Variants in GRIN2B observed in about 807,000 individuals in gnomAD.
The protein encoded by GRIN2B is glutamate ionotropic receptor NMDA type subunit 2B, also known as glutamate receptor ionotropic, NMDA 2B.
In GRIN2B, 5 loss-of-function variants were observed where a neutral mutation model predicts 114.5. That is an observed-to-expected ratio of 0.04 (90% CI 0.02 to 0.09). The LOEUF (loss-of-function observed/expected upper bound fraction) is 0.09, where lower values mean the gene tolerates loss of function less well. Among genes scored for constraint, GRIN2B ranks in the 10% least tolerant of loss-of-function variants. The pLI, the probability that GRIN2B is intolerant of heterozygous loss-of-function variation, is 1.00. For synonymous variants in GRIN2B, 787 were observed against 745.1 expected (o/e 1.06, Z -0.92); for missense variants, 1,108 against 1,943.5 (o/e 0.57, Z 8.08).
intron 3 of GRIN2B, among the ~76,000 whole-genome samples, chr12:13,850,704 A>T (rs1281253596): frequency 6.6e-6 from 1 of 152,196 alleles, no homozygotes; most frequent in African/African-American, 2.4e-5. Flanking sequence ...CCCCTGTTGC[A>T]ATAGCTGGGA....
intron 13 of GRIN2B, among the ~76,000 whole-genome samples, chr12:13,566,698 C>A (rs1409356735): frequency 6.6e-6 from 1 of 152,192 alleles, no homozygotes; most frequent in African/African-American, 2.4e-5. Flanking sequence ...ACAGTTAATA[C>A]AATTTATACA....
chr12:13,893,007 G>A (rs1459172370), intron 2 of GRIN2B, among the ~76,000 whole-genome samples: 1 of 152,170 alleles, frequency 6.6e-6, no homozygotes, highest in Non-Finnish European at 1.5e-5. Flanking sequence ...ATGATGACCT[G>A]ACCAAAACCA....
At chr12:13,735,114 T>C (rs1479151720) in intron 4 of GRIN2B, among the ~76,000 whole-genome samples, 1 of 152,196 alleles carries the variant, frequency 6.6e-6, no homozygotes, top group African/African-American at 2.4e-5. Flanking sequence ...AAATAAGTCA[T>C]CAGAGATTTG....
At chr12:13,676,113 CTCACT>C (rs1381059094) in intron 4 of GRIN2B, among the ~76,000 whole-genome samples, 2 of 152,066 alleles carry the variant, frequency 1.3e-5, no homozygotes, top group Non-Finnish European at 1.5e-5. Flanking sequence ...ACCGCATGTT[CTCACT>C]TACAAGTGGG....
At chr12:13,876,706 T>G (rs990697934) in intron 2 of GRIN2B, among the ~76,000 whole-genome samples, 1 of 152,072 alleles carries the variant, frequency 6.6e-6, no homozygotes, top group African/African-American at 2.4e-5. Context: ...TCACAAAGAG[T>G]ACTGGAAAGG....
chr12:13,584,682 G>A (rs944163485), intron 10 of GRIN2B, among the ~76,000 whole-genome samples: 4 of 152,188 alleles, frequency 2.6e-5, no homozygotes, highest in South Asian at 4.2e-4. Context: ...CTGAAATCCC[G>A]CAAGAGCCTG....
intron 2 of GRIN2B, among the ~76,000 whole-genome samples, chr12:13,940,320 C>T (rs1867217746): frequency 6.6e-6 from 1 of 152,098 alleles, no homozygotes. Context: ...TATGGAAAAG[C>T]AGAATAAGGA....
intron 2 of GRIN2B, among the ~76,000 whole-genome samples, chr12:13,901,824 T>C (rs1319792108): frequency 6.6e-6 from 1 of 152,164 alleles, no homozygotes; most frequent in Non-Finnish European, 1.5e-5. Context: ...TTCAAGTTCA[T>C]GAGATATTCC....
chr12:13,702,080 T>A (rs970016654), intron 4 of GRIN2B, among the ~76,000 whole-genome samples: 4 of 152,184 alleles, frequency 2.6e-5, no homozygotes, highest in African/African-American at 7.2e-5. Context: ...TTAATTAAGA[T>A]TTGTATAAGT....
intron 3 of GRIN2B, among the ~76,000 whole-genome samples, chr12:13,839,768 C>T (rs868518151): frequency 2.9e-4 from 44 of 152,062 alleles, no homozygotes; most frequent in Non-Finnish European, 5.6e-4. Context: ...CCCAAAGAAC[C>T]GAGAACAATG....
intron 13 of GRIN2B, among the ~76,000 whole-genome samples, chr12:13,565,265 C>G (rs1485293239): frequency 6.6e-6 from 1 of 152,152 alleles, no homozygotes; most frequent in Non-Finnish European, 1.5e-5. Context: ...TTAGCAAGCC[C>G]TGGGGTCAAA....
chr12:13,681,860 CTGT>C (rs1428960687), intron 4 of GRIN2B, among the ~76,000 whole-genome samples: 1 of 152,076 alleles, frequency 6.6e-6, no homozygotes, highest in Non-Finnish European at 1.5e-5. Context: ...TTATTAGCTG[CTGT>C]TATTACTCTC....
At chr12:13,726,820 C>T (rs923881528) in intron 4 of GRIN2B, among the ~76,000 whole-genome samples, 9 of 151,862 alleles carry the variant, frequency 5.9e-5, no homozygotes, top group Non-Finnish European at 1.0e-4. Flanking sequence ...CACCCGCCTC[C>T]GACCCTTTCC....
At chr12:13,581,357 C>T (rs1948846362) in intron 10 of GRIN2B, among the ~76,000 whole-genome samples, 1 of 152,196 alleles carries the variant, frequency 6.6e-6, no homozygotes, top group Non-Finnish European at 1.5e-5. Flanking sequence ...TAATAATACC[C>T]TATGGCCCAA....
rs983203277 is a variant in GRIN2B, at chr12:13,934,724, A to G, written c.-19+45204T>C. The stretch of plus-strand genomic sequence containing the variant: ...AGCCAAGACCCCAATCCACATGCTG[A>G]GTCCTGACGCCTGGCTTCCACTTGC... On this transcript the variant is annotated intron_variant, in intron 2 of 13. Coordinates refer to ENST00000609686, the MANE Select transcript of GRIN2B (RefSeq NM_000834.5). Among the ~76,000 whole-genome samples the G allele has an allele frequency of 3.5e-5, 5 of 144,162 alleles. 1 individual carries two copies. Among genetic ancestry groups the G allele is most frequent in the African/African-American group, 1.5e-4 (5 of 33,840 alleles). 94.6% of individuals were successfully genotyped at this position (144,162 alleles called of 152,430 possible).
intron 2 of GRIN2B, among the ~76,000 whole-genome samples, chr12:13,884,547 A>G (rs754863769): frequency 9.2e-5 from 14 of 152,064 alleles, no homozygotes; most frequent in Non-Finnish European, 1.9e-4. Context: ...ATAGACAGTC[A>G]TGTTGCCTGG....
At chr12:13,682,469 A>T (rs997125844) in intron 4 of GRIN2B, among the ~76,000 whole-genome samples, 7 of 152,178 alleles carry the variant, frequency 4.6e-5, no homozygotes, top group Non-Finnish European at 8.8e-5. Context: ...CTTCCAGTGG[A>T]TAACACATTT....
At position 13,907,203 on chromosome 12, in the gene GRIN2B, C is replaced by A. The variant is rs560237679; in HGVS notation, c.-18-40977G>T. Among the ~76,000 whole-genome samples the A allele has an allele frequency of 2.6e-5, 4 of 152,238 alleles. No individual in the cohort carries two copies. In the East Asian group the frequency reaches 7.7e-4, roughly 29 times the overall value. ...TAGGTAAGATGCTAAGAAAAAGCCT[C>A]CAGAGGGCCGGGCGTGGTGGCTCAT... On this transcript the variant is annotated intron_variant, in intron 2 of 13. Coordinates refer to ENST00000609686, the MANE Select transcript of GRIN2B (RefSeq NM_000834.5).
chr12:13,634,238 G>A (rs1005956698), intron 5 of GRIN2B: 1 of 152,200 alleles, frequency 6.6e-6, no homozygotes, highest in South Asian at 2.1e-4. Flanking sequence ...TGCTTTCCAG[G>A]AGCTTGTAAT....
Sources: allele counts gnomAD v4.1 joint callset (sites outside exome capture counted in the v4.1 genomes callset), GRCh38; gene constraint gnomAD v4.1.1; transcripts MANE v1.5; gene names NCBI Gene and HGNC (gene_info 2026-07-23, HGNC 2026-07-21).